The following GALNT2 variants were observed in gnomAD, a reference collection of about 807,000 sequenced individuals.
GALNT2 encodes the protein polypeptide N-acetylgalactosaminyltransferase 2, also known as UDP-GalNAc:polypeptide N-acetylgalactosaminyltransferase 2.
Under a neutral mutation model 81.4 loss-of-function variants are expected in GALNT2, and 31 were observed. The ratio of observed to expected loss-of-function variants is 0.38; its 90% CI spans 0.29 to 0.51. The LOEUF (loss-of-function observed/expected upper bound fraction) is 0.51, where lower values mean the gene tolerates loss of function less well. GALNT2 is among the 20% of genes least tolerant of loss of function. GALNT2 has a pLI of 0.87. For synonymous variants in GALNT2, 303 were observed against 287.4 expected (o/e 1.05, Z -0.55); for missense variants, 629 against 765.7 (o/e 0.82, Z 2.11).
chr1:230,069,807 AG>A (rs1659320655), intron 1 of GALNT2, among the ~76,000 whole-genome samples: 1 of 150,752 alleles, frequency 6.6e-6, no homozygotes, highest in African/African-American at 2.4e-5. Context: ...TAGTTTTTTT[AG>A]AGATAAGTGG....
chr1:230,068,054 G>C (rs1182184835), intron 1 of GALNT2, among the ~76,000 whole-genome samples: 1 of 152,214 alleles, frequency 6.6e-6, no homozygotes, highest in Non-Finnish European at 1.5e-5. Context: ...TGCGGCCCCA[G>C]CGTTACCCTC....
chr1:230,098,878 T>G (rs1471533632), intron 1 of GALNT2, among the ~76,000 whole-genome samples: 4 of 152,160 alleles, frequency 2.6e-5, no homozygotes, highest in Non-Finnish European at 5.9e-5. Flanking sequence ...CCATGATGTG[T>G]TATGAGGCAC....
intron 2 of GALNT2, among the ~76,000 whole-genome samples, chr1:230,184,091 C>CT (rs1663241642): frequency 6.7e-6 from 1 of 150,226 alleles, no homozygotes; most frequent in East Asian, 2.1e-4. Context: ...GTTAAAAGAG[C>CT]TGCTTTTAAC....
intron 10 of GALNT2, among the ~76,000 whole-genome samples, chr1:230,252,301 C>T (rs1665568668): frequency 6.6e-6 from 1 of 152,204 alleles, no homozygotes. Context: ...AAACCACCTC[C>T]TCAACGTGTG....
intron 3 of GALNT2, among the ~76,000 whole-genome samples, chr1:230,223,173 T>C: frequency 6.8e-6 from 1 of 147,604 alleles, no homozygotes; most frequent in East Asian, 2.1e-4. Flanking sequence ...ATTACCCCAC[T>C]TTATTTGTTT....
intron 6 of GALNT2, among the ~76,000 whole-genome samples, chr1:230,242,830 A>C (rs1665241303): frequency 6.6e-6 from 1 of 152,244 alleles, no homozygotes; most frequent in Non-Finnish European, 1.5e-5. Flanking sequence ...AGGGCTTTGC[A>C]ACTTATGTTA....
chr1:230,225,847 C>G (rs574813938), intron 3 of GALNT2, among the ~76,000 whole-genome samples: 1 of 152,170 alleles, frequency 6.6e-6, no homozygotes, highest in African/African-American at 2.4e-5. Flanking sequence ...TAAGAGCAAC[C>G]TGTATAAGCC....
At chr1:230,152,812 C>T (rs368424044) in intron 1 of GALNT2, among the ~76,000 whole-genome samples, 9 of 152,236 alleles carry the variant, frequency 5.9e-5, no homozygotes, top group Middle Eastern at 3.2e-3. Context: ...TGACCATCTG[C>T]GCCAGCCCTG....
intron 3 of GALNT2, among the ~76,000 whole-genome samples, chr1:230,210,720 T>C (rs1664207897): frequency 6.6e-6 from 1 of 152,212 alleles, no homozygotes; most frequent in South Asian, 2.1e-4. Context: ...AGCCAAAACA[T>C]AGGTCAAAGC....
At chr1:230,185,908 G>A (rs1032248993) in intron 2 of GALNT2, among the ~76,000 whole-genome samples, 3 of 152,152 alleles carry the variant, frequency 2.0e-5, no homozygotes, top group African/African-American at 7.2e-5. Context: ...TCCTACCCCC[G>A]TAGTGGATCT....
At chr1:230,172,435 G>T (rs979994466) in intron 1 of GALNT2, among the ~76,000 whole-genome samples, 2 of 152,250 alleles carry the variant, frequency 1.3e-5, no homozygotes, top group African/African-American at 4.8e-5. Flanking sequence ...GAACCATTCA[G>T]ATTCCTGACC....
At chr1:230,191,259 G>C (rs1161134210) in intron 2 of GALNT2, among the ~76,000 whole-genome samples, 1 of 152,224 alleles carries the variant, frequency 6.6e-6, no homozygotes, top group African/African-American at 2.4e-5. Flanking sequence ...AGCACAGAGT[G>C]TTCAGGGATG....
chr1:230,142,380 T>C (rs1661772444), intron 1 of GALNT2, among the ~76,000 whole-genome samples: 1 of 152,120 alleles, frequency 6.6e-6, no homozygotes, highest in Non-Finnish European at 1.5e-5. Context: ...GTAGGGGGAC[T>C]CACTGTGCCC....
At chr1:230,141,846 G>A (rs767885132) in intron 1 of GALNT2, among the ~76,000 whole-genome samples, 1 of 131,442 alleles carries the variant, frequency 7.6e-6, no homozygotes, top group Non-Finnish European at 1.6e-5. Context: ...AGGCTGAAGT[G>A]CGTGCCACAA....
At chr1:230,214,808 C>T (rs990658486) in intron 3 of GALNT2, among the ~76,000 whole-genome samples, 3 of 152,056 alleles carry the variant, frequency 2.0e-5, no homozygotes, top group African/African-American at 4.8e-5. Context: ...CTTTTCTGTA[C>T]TTTTTATTCT....
intron 3 of GALNT2, among the ~76,000 whole-genome samples, chr1:230,209,553 A>G (rs573138717): frequency 3.6e-4 from 55 of 152,334 alleles, no homozygotes; most frequent in Middle Eastern, 6.8e-3. Context: ...ATACAAATCT[A>G]TTGTTGGGCC....
At chr1:230,138,507 G>C (rs1284551437) in intron 1 of GALNT2, among the ~76,000 whole-genome samples, 1 of 142,474 alleles carries the variant, frequency 7.0e-6, no homozygotes, top group African/African-American at 2.6e-5. Context: ...CCTGGGCGAT[G>C]CAGCGAGACT....
At chr1:230,204,275 A>G (rs894466646) in intron 3 of GALNT2, among the ~76,000 whole-genome samples, 1 of 151,754 alleles carries the variant, frequency 6.6e-6, no homozygotes, top group Non-Finnish European at 1.5e-5. Context: ...GGTTCAAGCA[A>G]TTTGTGGCTC....
At chr1:230,105,895 T>C (rs1660530090) in intron 1 of GALNT2, among the ~76,000 whole-genome samples, 3 of 152,222 alleles carry the variant, frequency 2.0e-5, no homozygotes. Flanking sequence ...TCCAGCGCTG[T>C]ATCTGCCAGT....
Sources: allele counts gnomAD v4.1 joint callset (sites outside exome capture counted in the v4.1 genomes callset), GRCh38; gene constraint gnomAD v4.1.1; transcripts MANE v1.5; gene names NCBI Gene and HGNC (gene_info 2026-07-23, HGNC 2026-07-21).